The following LRRC4C variants were observed in gnomAD, a reference collection of about 807,000 sequenced individuals.
LRRC4C encodes the protein leucine-rich repeat-containing protein 4C.
A neutral mutation model predicts 33.6 loss-of-function variants in LRRC4C; 5 were observed. That is an observed-to-expected ratio of 0.15 (90% CI 0.08 to 0.31). LRRC4C has a LOEUF of 0.31. Among genes scored for constraint, LRRC4C ranks in the 10% least tolerant of loss-of-function variants. The pLI, the probability that LRRC4C is intolerant of heterozygous loss-of-function variation, is 1.00. For missense variants in LRRC4C, 560 were observed against 796.7 expected (o/e 0.70, Z 3.58); for synonymous variants, 329 against 302.0 (o/e 1.09, Z -0.93).
intron 1 of LRRC4C, among the ~76,000 whole-genome samples, chr11:41,173,859 A>G (rs1297001537): frequency 6.6e-6 from 1 of 152,162 alleles, no homozygotes; most frequent in Non-Finnish European, 1.5e-5. Context: ...GGACTTTTTA[A>G]TAGTCCTAAA....
intron 2 of LRRC4C, among the ~76,000 whole-genome samples, chr11:40,923,628 A>G (rs1180278746): frequency 6.6e-6 from 1 of 152,236 alleles, no homozygotes; most frequent in African/African-American, 2.4e-5. Context: ...GTAAGTAAAT[A>G]ATATTCATTT....
chr11:41,121,209 C>A (rs973903439), intron 1 of LRRC4C, among the ~76,000 whole-genome samples: 3 of 152,104 alleles, frequency 2.0e-5, no homozygotes, highest in Non-Finnish European at 4.4e-5. Context: ...GGAGTACCAT[C>A]TATTTCTTAC....
In LRRC4C at chr11:41,393,950, T is replaced by C. The variant is rs538800515; in HGVS notation, c.-496+65481A>G. Reference sequence around the variant, plus strand: ...AATTAGGCTACCTTTAGCCCAGTGATAATTTTTTTTAAGTAGTTCTTGTAA... The same window carrying C: ...AATTAGGCTACCTTTAGCCCAGTGACAATTTTTTTTAAGTAGTTCTTGTAA... On this transcript the variant is annotated intron_variant, in intron 1 of 6. Transcript: ENST00000528697. 2.0e-5 allele frequency among the ~76,000 whole-genome samples: 3 copies of C among 152,082 alleles called. No individual in the cohort carries two copies. In the East Asian group the frequency reaches 5.8e-4, roughly 30 times the overall value.
At chr11:40,462,594 A>T (rs1347266830) in intron 3 of LRRC4C, among the ~76,000 whole-genome samples, 3 of 152,118 alleles carry the variant, frequency 2.0e-5, no homozygotes. Flanking sequence ...GACCTTATGA[A>T]GGGTGGTGAG....
chr11:40,249,181 A>T (rs1231745546), intron 4 of LRRC4C, among the ~76,000 whole-genome samples: 2 of 152,106 alleles, frequency 1.3e-5, no homozygotes, highest in African/African-American at 4.8e-5. Flanking sequence ...CTACTAAAAA[A>T]TACAAAAATT....
At chr11:41,412,786 C>G (rs1555167848) in intron 1 of LRRC4C, among the ~76,000 whole-genome samples, 4 of 152,108 alleles carry the variant, frequency 2.6e-5, no homozygotes, top group Non-Finnish European at 5.9e-5. Flanking sequence ...GAAACTCAGA[C>G]AGAGAGAGAC....
chr11:40,965,730 C>A (rs572287068), intron 1 of LRRC4C, among the ~76,000 whole-genome samples: 67 of 152,130 alleles, frequency 4.4e-4, no homozygotes, highest in Admixed American at 7.9e-4. Context: ...TGGTCTATAT[C>A]TCTGTTTTGG....
At chr11:40,779,389 A>G (rs1329923918) in intron 2 of LRRC4C, among the ~76,000 whole-genome samples, 1 of 152,170 alleles carries the variant, frequency 6.6e-6, no homozygotes, top group African/African-American at 2.4e-5. Context: ...TTTTATACCT[A>G]TATTTTCTAG....
At chr11:41,320,406 G>A (rs964881382) in intron 1 of LRRC4C, among the ~76,000 whole-genome samples, 3 of 152,134 alleles carry the variant, frequency 2.0e-5, no homozygotes, top group Non-Finnish European at 4.4e-5. Context: ...TTTTCAGATG[G>A]TGACTCACTC....
At chr11:41,156,959 A>G (rs1944258974) in intron 1 of LRRC4C, among the ~76,000 whole-genome samples, 1 of 152,018 alleles carries the variant, frequency 6.6e-6, no homozygotes, top group African/African-American at 2.4e-5. Flanking sequence ...TCATGAATGG[A>G]TTAATGCTGC....
At chr11:41,081,734 C>T (rs1190531702) in intron 1 of LRRC4C, among the ~76,000 whole-genome samples, 1 of 152,090 alleles carries the variant, frequency 6.6e-6, no homozygotes, top group East Asian at 1.9e-4. Context: ...CACAGATACA[C>T]ACAGGCACAC....
intron 1 of LRRC4C, among the ~76,000 whole-genome samples, chr11:41,369,586 A>G (rs1952669529): frequency 1.3e-5 from 2 of 152,172 alleles, no homozygotes; most frequent in Non-Finnish European, 2.9e-5. Flanking sequence ...TGAGAGCATG[A>G]GCTGAAGATA....
intron 1 of LRRC4C, among the ~76,000 whole-genome samples, chr11:41,239,006 A>G (rs1948136219): frequency 6.6e-6 from 1 of 151,930 alleles, no homozygotes; most frequent in Non-Finnish European, 1.5e-5. Context: ...CTAGGAAAGG[A>G]TTCTTTGTTA....
intron 1 of LRRC4C, among the ~76,000 whole-genome samples, chr11:41,213,110 C>T (rs1027835013): frequency 2.6e-5 from 4 of 152,152 alleles, no homozygotes; most frequent in African/African-American, 9.7e-5. Flanking sequence ...ATAGGGGCAT[C>T]ATGAAAGTTA....
intron 1 of LRRC4C, among the ~76,000 whole-genome samples, chr11:41,406,293 T>C (rs1304151884): frequency 1.3e-5 from 2 of 152,194 alleles, no homozygotes; most frequent in East Asian, 3.9e-4. Context: ...AGTTATGAAC[T>C]ATATATGAAC....
Position 40,760,800 on chromosome 11 carries a change from T to TAC in LRRC4C, c.-406-112524_-406-112523dup, listed in dbSNP as rs796080368. Among the ~76,000 whole-genome samples the TAC allele has an allele frequency of 3.6e-3, 189 of 52,872 alleles. 1 individual carries two copies. Among genetic ancestry groups the TAC allele is most frequent in the East Asian group, 0.026 (33 of 1,286 alleles). The allele number at this position is 52,872 out of a possible 152,430, so 34.7% of individuals were successfully genotyped here. A position where few individuals can be genotyped will look rare whatever the true frequency, so the allele number is the denominator to read the frequency against. Reference sequence around the variant, plus strand: ...CAATTTTTGTGTGTATATATATATATACACACACACACACACACACACATA... The same window carrying TAC: ...CAATTTTTGTGTGTATATATATATATACACACACACACACACACACACACATA... On this transcript the variant is annotated intron_variant, in intron 2 of 6. Coordinates refer to ENST00000528697, the MANE Select transcript of LRRC4C (RefSeq NM_001258419.2).
chr11:40,305,383 G>A (rs1944980212), intron 4 of LRRC4C, among the ~76,000 whole-genome samples: 1 of 152,142 alleles, frequency 6.6e-6, no homozygotes, highest in Non-Finnish European at 1.5e-5. Flanking sequence ...TCCACTCATA[G>A]AATGGTACCA....
intron 3 of LRRC4C, among the ~76,000 whole-genome samples, chr11:40,621,533 C>T (rs1371100704): frequency 1.7e-5 from 2 of 120,062 alleles, no homozygotes; most frequent in Non-Finnish European, 4.0e-5. Flanking sequence ...ATCATAAAGG[C>T]AAGTTGCTTT....
intron 2 of LRRC4C, among the ~76,000 whole-genome samples, chr11:40,834,907 G>GACACACACACAC (rs778150169): frequency 1.3e-3 from 57 of 45,286 alleles, no homozygotes; most frequent in African/African-American, 2.5e-3. Context: ...CAGACAGACA[G>GACACACACACAC]ACAGACACAC....
Sources: allele counts gnomAD v4.1 joint callset (sites outside exome capture counted in the v4.1 genomes callset), GRCh38; gene constraint gnomAD v4.1.1; transcripts MANE v1.5; gene names NCBI Gene and HGNC (gene_info 2026-07-23, HGNC 2026-07-21).